Variants in PIEZO2 observed in about 807,000 individuals in gnomAD.
PIEZO2 encodes piezo type mechanosensitive ion channel component 2.
PIEZO2 carries 172 observed loss-of-function variants against 337.3 expected under a neutral mutation model. That is an observed-to-expected ratio of 0.51 (90% confidence interval 0.45 to 0.58). The LOEUF (loss-of-function observed/expected upper bound fraction) is 0.58. Ranked by LOEUF, PIEZO2 falls within the 20% of genes least tolerant of loss-of-function variation. The pLI is 0.00. For missense variants in PIEZO2, 3,028 were observed against 3,391.3 expected (o/e 0.89, Z 2.66); for synonymous variants, 1,251 against 1,228.5 (o/e 1.02, Z -0.38).
intron 14 of PIEZO2, 60 bp from the exon 15 acceptor site, chr18:10,789,425 A>C: frequency 6.8e-7 from 1 of 1,477,348 alleles, no homozygotes. Context: ...CCACACTTTG[A>C]CCATGTGATA....
At chr18:10,880,623 G>T (rs1598621745) in intron 4 of PIEZO2, among the ~76,000 whole-genome samples, 1 of 151,908 alleles carries the variant, frequency 6.6e-6, no homozygotes. Flanking sequence ...AATGTCAAAT[G>T]AGCATTGTTT....
chr18:10,752,668 CGTT>C lies in PIEZO2; in HGVS notation c.4132_4134del (p.Asn1378del). On this transcript the variant is annotated inframe_deletion, in exon 28 of 56. Transcript: ENST00000674853. ...ATATTTTTCATCGTAATCACAAAAACGTTGTATGCGATCAGCCAGTCCCAGTAG... is the reference window on the plus strand; with the variant it reads ...ATATTTTTCATCGTAATCACAAAAACGTATGCGATCAGCCAGTCCCAGTAG... 6.5e-7 allele frequency: 1 copy of C among 1,536,926 alleles called. No homozygotes were observed. The highest frequency in any genetic ancestry group is 2.0e-5 in the Admixed American group (1 of 50,984).
chr18:11,023,970 G>C (rs1025366031), intron 2 of PIEZO2, among the ~76,000 whole-genome samples: 3 of 152,156 alleles, frequency 2.0e-5, no homozygotes, highest in Non-Finnish European at 4.4e-5. Flanking sequence ...ACGCCCACCC[G>C]TAACTCCAGC....
In PIEZO2 at chr18:11,105,307, G is replaced by A. The variant is rs1008689520; in HGVS notation, c.65-39085C>T. ...ATTTGACACACTCAGTGCCTTGGCT[G>A]AAAGGGAACTTAAAATTCAGACTTA... On this transcript the variant is annotated intron_variant, in intron 1 of 55. Transcript: ENST00000674853. The surrounding 1 kb of genome is among the most constrained non-coding windows in gnomAD (Gnocchi z 4.3). Among the ~76,000 whole-genome samples, 3 of 152,198 alleles carry A rather than the reference G, an allele frequency of 2.0e-5. No homozygotes were observed. Among genetic ancestry groups the A allele is most frequent in the African/African-American group, 4.8e-5 (2 of 41,458 alleles).
At chr18:10,951,342 C>T (rs1024383420) in intron 3 of PIEZO2, among the ~76,000 whole-genome samples, 1 of 152,170 alleles carries the variant, frequency 6.6e-6, no homozygotes, top group Non-Finnish European at 1.5e-5. Context: ...ATTCTTGTAT[C>T]CCAAATGAAA....
chr18:10,696,385 A>G lies in PIEZO2; in HGVS notation c.6975+7T>C, dbSNP rs757174863. 1 of 1,614,214 alleles carries G rather than the reference A, an allele frequency of 6.2e-7. No individual in the cohort carries two copies. The highest frequency in any genetic ancestry group is 8.5e-7 in the Non-Finnish European group (1 of 1,180,036). On this transcript the variant is annotated splice_region_variant and intron_variant, in intron 46 of 55. Transcript: ENST00000674853. ...GGGCGGGTGCTGTGGCCTTTGCCCC[A>G]ACCTACCCCAAAGGCCCAAAAGCCG...
intron 2 of PIEZO2, among the ~76,000 whole-genome samples, chr18:11,008,312 T>C (rs559642159): frequency 2.6e-5 from 4 of 152,296 alleles, no homozygotes; most frequent in South Asian, 4.1e-4. Flanking sequence ...GCATTGAAAA[T>C]AGGCCCATGA....
intron 28 of PIEZO2, among the ~76,000 whole-genome samples, chr18:10,751,309 T>C (rs1423902124): frequency 1.3e-5 from 2 of 152,184 alleles, no homozygotes; most frequent in African/African-American, 4.8e-5. Context: ...TTTGAATCCA[T>C]ACATTTCCCA....
Position 10,732,773 on chromosome 18 carries a change from T to C in PIEZO2, c.4915-1252A>G, listed in dbSNP as rs2036837614. On this transcript the variant is annotated intron_variant, in intron 35 of 55. Coordinates refer to ENST00000674853, the MANE Select transcript of PIEZO2 (RefSeq NM_001378183.1). ...AGTAGATGTTTATTGGCTATGTTAATTGGGTGTTAATTGGGAATTCTATCA... is the reference window on the plus strand; with the variant it reads ...AGTAGATGTTTATTGGCTATGTTAACTGGGTGTTAATTGGGAATTCTATCA... Among the ~76,000 whole-genome samples, 6 of 152,188 alleles carry C rather than the reference T, an allele frequency of 3.9e-5. No individual in the cohort carries two copies. In the South Asian group the frequency reaches 1.2e-3, roughly 32 times the overall value.
rs2041498447 is a variant in PIEZO2, at chr18:10,850,109, GA to G, written c.917+5243del. Among the ~76,000 whole-genome samples, 1 of 152,134 alleles carries G rather than the reference GA, an allele frequency of 6.6e-6. No homozygotes were observed. Among genetic ancestry groups the G allele is most frequent in the East Asian group, 1.9e-4 (1 of 5,186 alleles). On this transcript the variant is annotated intron_variant, in intron 7 of 55. Coordinates refer to ENST00000674853, the MANE Select transcript of PIEZO2 (RefSeq NM_001378183.1). This position sits in a 1 kb window ranked among gnomAD's most constrained non-coding sequence, Gnocchi z 4.5. Reference sequence around the variant, plus strand: ...ATAATAAGTCCTACATTTTGTTTTGGAAAATATGCTCGTGCCACACCTGTGT... The same window carrying G: ...ATAATAAGTCCTACATTTTGTTTTGGAAATATGCTCGTGCCACACCTGTGT...
intron 47 of PIEZO2, 26 bp downstream of exon 47, chr18:10,696,048 G>A: frequency 6.3e-7 from 1 of 1,589,448 alleles, no homozygotes; most frequent in Non-Finnish European, 8.6e-7. Flanking sequence ...AGGCAGGTTG[G>A]TGCCTCTGGC....
intron 36 of PIEZO2, among the ~76,000 whole-genome samples, chr18:10,730,333 T>A (rs576513850): frequency 7.2e-5 from 11 of 152,262 alleles, no homozygotes; most frequent in South Asian, 4.1e-4. Flanking sequence ...ATATTTCATT[T>A]GTATTTCTTG....
rs3034920 is a variant in PIEZO2 at position 10,731,667 on chromosome 18, AT to A, written c.4915-147del. 0.31 allele frequency: 117,052 copies of A among 382,578 alleles called. 15,575 individuals carry two copies. Among genetic ancestry groups the A allele is most frequent in the East Asian group, 0.49 (11,071 of 22,742 alleles). 23.7% of individuals were successfully genotyped at this position (382,578 alleles called of 1,614,324 possible). On this transcript the variant is annotated intron_variant, in intron 35 of 55. Coordinates refer to ENST00000674853, the MANE Select transcript of PIEZO2 (RefSeq NM_001378183.1). ...GCTATTTTTATTATCATGAGATTCA[AT>A]TTTTTTTTTTAGAAAAAGACAACAG...
rs959251362 is a variant in PIEZO2, at chr18:10,979,483, G to A, written c.286+52C>T. 9.4e-6 allele frequency: 13 copies of A among 1,389,436 alleles called. No individual in the cohort carries two copies. The African/African-American group carries it at 1.2e-4, about 12-fold the overall frequency. 86.1% of individuals were successfully genotyped at this position (1,389,436 alleles called of 1,614,324 possible). ...GATGACACACAGCTTTATTATGCAC[G>A]TATATAAAAGAAATAAAAGAAAACA... On this transcript the variant is annotated intron_variant, in intron 3 of 55. Coordinates refer to ENST00000674853, the MANE Select transcript of PIEZO2 (RefSeq NM_001378183.1). This position sits in a 1 kb window ranked among gnomAD's most constrained non-coding sequence, Gnocchi z 4.0.
rs765904307 is a variant in PIEZO2 at position 10,846,288 on chromosome 18, G to A, written c.917+9065C>T. 9.9e-5 allele frequency among the ~76,000 whole-genome samples: 15 copies of A among 152,220 alleles called. No homozygotes were observed. The highest frequency in any genetic ancestry group is 5.2e-4 in the Admixed American group (8 of 15,288). ...AGAGAGCTCATGCAGGCAAACTCCC[G>A]TTTTTTAAAACCATCAGATTTGTGA... is the stretch of plus-strand genomic sequence containing the variant. On this transcript the variant is annotated intron_variant, in intron 7 of 55. Transcript: ENST00000674853. The surrounding 1 kb of genome is among the most constrained non-coding windows in gnomAD (Gnocchi z 4.1).
At chr18:10,796,392 C>T (rs2039600926) in intron 12 of PIEZO2, among the ~76,000 whole-genome samples, 1 of 151,132 alleles carries the variant, frequency 6.6e-6, no homozygotes, top group South Asian at 2.1e-4. Context: ...AAAGTTATTG[C>T]AGCTAAGAAG....
In PIEZO2 at chr18:10,853,743, T is replaced by C. The variant is rs72973123; in HGVS notation, c.917+1610A>G. 0.026 allele frequency among the ~76,000 whole-genome samples: 4,017 copies of C among 152,314 alleles called. 75 individuals carry two copies. Among genetic ancestry groups the C allele is most frequent in the Middle Eastern group, 0.078 (23 of 294 alleles). On this transcript the variant is annotated intron_variant, in intron 7 of 55. Coordinates refer to ENST00000674853, the MANE Select transcript of PIEZO2 (RefSeq NM_001378183.1). This position sits in a 1 kb window ranked among gnomAD's most constrained non-coding sequence, Gnocchi z 4.2. ...TATGTATGTATCTATCAATCTATTATGTTGGTTGTTAAGCCATTTTTAAGT... is the reference window on the plus strand; with the variant it reads ...TATGTATGTATCTATCAATCTATTACGTTGGTTGTTAAGCCATTTTTAAGT...
chr18:10,812,532 T>TA (rs34845870), intron 7 of PIEZO2, among the ~76,000 whole-genome samples: 39,414 of 151,888 alleles, frequency 0.26, 5,673 homozygotes, highest in East Asian at 0.57. Flanking sequence ...TAAAAGTTAT[T>TA]AAAAAATTCA....
rs1178549832 is a variant in PIEZO2, at chr18:10,862,620, A to G, written c.493-5409T>C. ...TACTCCCAAGCACTCTAAAAATCCA[A>G]CTGGGTTGGAATAAATCCTAAGGAT... is the stretch of plus-strand genomic sequence containing the variant. On this transcript the variant is annotated intron_variant, in intron 5 of 55. Coordinates refer to ENST00000674853, the MANE Select transcript of PIEZO2 (RefSeq NM_001378183.1). This position sits in a 1 kb window ranked among gnomAD's most constrained non-coding sequence, Gnocchi z 4.4. 1.3e-5 allele frequency among the ~76,000 whole-genome samples: 2 copies of G among 152,218 alleles called. No individual in the cohort carries two copies. Among genetic ancestry groups the G allele is most frequent in the African/African-American group, 4.8e-5 (2 of 41,462 alleles).
Sources: gnomAD v4.1 joint callset for allele counts (sites outside exome capture counted in the v4.1 genomes callset) on GRCh38, gnomAD v4.1.1 for gene constraint, Gnocchi (gnomAD v3.1) non-coding constraint, MANE v1.5 for transcripts, NCBI Gene and HGNC (gene_info 2026-07-23, HGNC 2026-07-21) for gene names.